Variants in RAD51B observed in about 807,000 individuals in gnomAD.
The protein encoded by RAD51B is RAD51 paralog B, also known as DNA repair protein RAD51 homolog 2.
RAD51B carries 38 observed loss-of-function variants against 42.2 expected under a neutral mutation model. The observed-to-expected ratio is 0.90, with a 90% CI of 0.70 to 1.18. The LOEUF (loss-of-function observed/expected upper bound fraction) is 1.18, where lower values mean the gene tolerates loss of function less well. Ranked by LOEUF, RAD51B falls within the 50% of genes most tolerant of loss-of-function variation. The probability of loss-of-function intolerance (pLI) is 0.00; values close to 1 mark genes in which losing one functional copy is unlikely to be tolerated. For missense variants in RAD51B, 373 were observed against 400.7 expected (o/e 0.93, Z 0.59); for synonymous variants, 154 against 145.2 (o/e 1.06, Z -0.43).
At chr14:68,440,392 T>G in intron 9 of RAD51B, among the ~76,000 whole-genome samples, 1 of 152,212 alleles carries the variant, frequency 6.6e-6, no homozygotes, top group East Asian at 1.9e-4. Flanking sequence ...AAAGTAGAAG[T>G]GGAAGAACTA....
At chr14:68,027,226 G>A (rs1170829955) in intron 7 of RAD51B, among the ~76,000 whole-genome samples, 1 of 152,026 alleles carries the variant, frequency 6.6e-6, no homozygotes, top group Non-Finnish European at 1.5e-5. Context: ...GCCTGATAGG[G>A]TTCTGTCTGT....
chr14:68,456,109 C>A (rs2085680136), intron 9 of RAD51B, among the ~76,000 whole-genome samples: 1 of 152,074 alleles, frequency 6.6e-6, no homozygotes, highest in Non-Finnish European at 1.5e-5. Context: ...AAATTGTACA[C>A]TAGAAAAATA....
chr14:68,249,955 G>T (rs1463729695), intron 7 of RAD51B, among the ~76,000 whole-genome samples: 1 of 152,228 alleles, frequency 6.6e-6, no homozygotes, highest in African/African-American at 2.4e-5. Flanking sequence ...GGGGAAGGTG[G>T]TGAGACCTTC....
At chr14:68,338,156 C>T (rs2082495803) in intron 8 of RAD51B, among the ~76,000 whole-genome samples, 1 of 152,098 alleles carries the variant, frequency 6.6e-6, no homozygotes, top group African/African-American at 2.4e-5. Context: ...AACAATTTGT[C>T]ATAAGGAATC....
In RAD51B at chr14:68,345,191, T is replaced by C. The variant is rs547949139; in HGVS notation, c.853+53211T>C. Among the ~76,000 whole-genome samples, 8 of 152,144 alleles carry C rather than the reference T, an allele frequency of 5.3e-5. No individual in the cohort carries two copies. In the East Asian group the frequency reaches 1.5e-3, roughly 29 times the overall value. ...TTCAGACTTGGGACTTTTGATTGAGTTGGAATTGGAACAAATTAAGACTTG... is the reference window on the plus strand; with the variant it reads ...TTCAGACTTGGGACTTTTGATTGAGCTGGAATTGGAACAAATTAAGACTTG... On this transcript the variant is annotated intron_variant, in intron 8 of 10. Transcript: ENST00000471583.
chr14:68,636,050 C>T (rs981864296), intron 10 of RAD51B, among the ~76,000 whole-genome samples: 1 of 152,150 alleles, frequency 6.6e-6, no homozygotes, highest in Non-Finnish European at 1.5e-5. Flanking sequence ...CCATTGAGGC[C>T]TCCAGCCGTG....
intron 8 of RAD51B, among the ~76,000 whole-genome samples, chr14:68,296,474 G>C (rs1429730761): frequency 6.6e-6 from 1 of 152,152 alleles, no homozygotes; most frequent in Non-Finnish European, 1.5e-5. Flanking sequence ...GAGATACTAA[G>C]AACTGTTGGA....
chr14:68,128,878 A>T (rs1350055338), intron 7 of RAD51B, among the ~76,000 whole-genome samples: 2 of 152,180 alleles, frequency 1.3e-5, no homozygotes, highest in Non-Finnish European at 2.9e-5. Flanking sequence ...ATTGAAATTA[A>T]TTTTTCTTTA....
intron 7 of RAD51B, among the ~76,000 whole-genome samples, chr14:68,288,201 G>A (rs1204682515): frequency 6.6e-6 from 1 of 152,140 alleles, no homozygotes; most frequent in Non-Finnish European, 1.5e-5. Context: ...TTGCCTCAGA[G>A]GAAAATATAC....
intron 7 of RAD51B, among the ~76,000 whole-genome samples, chr14:67,983,930 T>C (rs1367116970): frequency 6.6e-6 from 1 of 151,856 alleles, no homozygotes; most frequent in African/African-American, 2.4e-5. Context: ...AGGGCTGGTT[T>C]TTTTTTTTTC....
At chr14:68,507,002 A>C (rs1885375958) in intron 10 of RAD51B, among the ~76,000 whole-genome samples, 1 of 152,078 alleles carries the variant, frequency 6.6e-6, no homozygotes, top group Admixed American at 6.6e-5. Flanking sequence ...CCTTGTTTAT[A>C]CAGGACACAA....
chr14:68,509,488 T>A (rs1229184259), intron 10 of RAD51B, among the ~76,000 whole-genome samples: 1 of 152,260 alleles, frequency 6.6e-6, no homozygotes, highest in Non-Finnish European at 1.5e-5. Flanking sequence ...GAACCTTCAC[T>A]GAGTGGTATG....
In RAD51B at chr14:68,148,439, T is replaced by G. The variant is rs574879867; in HGVS notation, c.757-143445T>G. The stretch of plus-strand genomic sequence containing the variant: ...TACCATTTTGCTTTCTCACCAGCAA[T>G]GAATGAGAGTTCCTGTTGCTTCACA... On this transcript the variant is annotated intron_variant, in intron 7 of 10. Transcript: ENST00000471583. Among the ~76,000 whole-genome samples, 31 of 152,366 alleles carry G rather than the reference T, an allele frequency of 2.0e-4. No homozygotes were observed. The South Asian group carries it at 6.2e-3, about 31-fold the overall frequency.
At chr14:68,393,660 C>T (rs770640840) in intron 8 of RAD51B, among the ~76,000 whole-genome samples, 5 of 152,230 alleles carry the variant, frequency 3.3e-5, no homozygotes, top group Admixed American at 2.0e-4. Flanking sequence ...GGAATTTTCT[C>T]AGTGACTCAG....
chr14:68,546,569 C>G (rs1566933586), intron 10 of RAD51B, among the ~76,000 whole-genome samples: 1 of 152,286 alleles, frequency 6.6e-6, no homozygotes, highest in Non-Finnish European at 1.5e-5. Context: ...TGGAAGATGG[C>G]TGGAGCTGAG....
intron 7 of RAD51B, among the ~76,000 whole-genome samples, chr14:67,976,882 A>C (rs1166062951): frequency 6.6e-6 from 1 of 152,190 alleles, no homozygotes; most frequent in Non-Finnish European, 1.5e-5. Context: ...AAAAACAAAC[A>C]ACCTCATCAA....
intron 4 of RAD51B, among the ~76,000 whole-genome samples, chr14:67,863,133 T>C (rs2042215741): frequency 6.7e-6 from 1 of 148,742 alleles, no homozygotes; most frequent in Middle Eastern, 3.5e-3. Context: ...AACCAGCATA[T>C]AGTTTTAAAT....
At chr14:67,934,567 G>T (rs2044865363) in intron 7 of RAD51B, among the ~76,000 whole-genome samples, 1 of 152,094 alleles carries the variant, frequency 6.6e-6, no homozygotes, top group African/African-American at 2.4e-5. Flanking sequence ...GCTAAAGGGA[G>T]TTTAAAATAT....
At position 67,910,322 on chromosome 14, in the gene RAD51B, C is replaced by T. The variant is rs1436848819; in HGVS notation, c.756+23118C>T. 8.1e-5 allele frequency among the ~76,000 whole-genome samples: 6 copies of T among 73,844 alleles called. No homozygotes were observed. In the South Asian group the frequency reaches 1.5e-3, roughly 19 times the overall value. 48.4% of individuals were successfully genotyped at this position (73,844 alleles called of 152,430 possible). A position where few individuals can be genotyped will look rare whatever the true frequency, so the allele number is the denominator to read the frequency against. On this transcript the variant is annotated intron_variant, in intron 7 of 10. Transcript: ENST00000471583. ...TCGGGAGGCTGAGGCAGGAGAATGGCGTGAACCCAGGAGGCGGAGCTTGCA... is the reference window on the plus strand; with the variant it reads ...TCGGGAGGCTGAGGCAGGAGAATGGTGTGAACCCAGGAGGCGGAGCTTGCA...
Sources: allele counts gnomAD v4.1 joint callset (sites outside exome capture counted in the v4.1 genomes callset), GRCh38; gene constraint gnomAD v4.1.1; transcripts MANE v1.5; gene names NCBI Gene and HGNC (gene_info 2026-07-23, HGNC 2026-07-21).